Variants in GLIS3 observed in about 807,000 individuals in gnomAD.
The protein encoded by GLIS3 is GLIS family zinc finger 3.
GLIS3 carries 53 observed loss-of-function variants against 78.6 expected under a neutral mutation model. The observed-to-expected ratio is 0.67, with a 90% confidence interval of 0.54 to 0.85. The LOEUF (loss-of-function observed/expected upper bound fraction) is 0.85. Among genes scored for constraint, GLIS3 ranks in the 40% least tolerant of loss-of-function variants. The probability of loss-of-function intolerance (pLI) is 0.00; values close to 1 mark genes in which losing one functional copy is unlikely to be tolerated. For missense variants in GLIS3, 1,703 were observed against 1,231.1 expected, an observed-to-expected ratio of 1.38 and a Z score of -5.74; for synonymous variants, 684 against 509.9, an observed-to-expected ratio of 1.34 and a Z score of -4.60.
chr9:4,150,453 C>G (rs951744804), intron 2 of GLIS3, among the ~76,000 whole-genome samples: 1 of 152,230 alleles, frequency 6.6e-6, no homozygotes. Flanking sequence ...CAAGTTCAGT[C>G]TGTGGCAAGC....
At position 4,291,653 on chromosome 9, in the gene GLIS3, C is replaced by G. The variant is rs139952160; in HGVS notation, c.-98-5130G>C. The stretch of plus-strand genomic sequence containing the variant: ...AAAAAAAGAATGACCACATCCGATT[C>G]AGGAATTTACTCCTCTTAGTCAATC... On this transcript the variant is annotated intron_variant, in intron 1 of 10. Transcript: ENST00000381971. 1.9e-3 allele frequency among the ~76,000 whole-genome samples: 291 copies of G among 152,128 alleles called. 1 individual carries two copies. The highest frequency in any genetic ancestry group is 6.6e-3 in the African/African-American group (274 of 41,536).
At chr9:4,329,065 C>T (rs939098741) in intron 2 of GLIS3, among the ~76,000 whole-genome samples, 1 of 152,178 alleles carries the variant, frequency 6.6e-6, no homozygotes, top group Non-Finnish European at 1.5e-5. Flanking sequence ...GCCAGGCTAT[C>T]GTTTTAACAC....
At chr9:3,920,267 T>C (rs1824795850) in intron 6 of GLIS3, among the ~76,000 whole-genome samples, 1 of 152,196 alleles carries the variant, frequency 6.6e-6, no homozygotes, top group Non-Finnish European at 1.5e-5. Context: ...CCTCCCAAAA[T>C]GCTGGGATTA....
At chr9:3,902,858 C>T (rs1346196290) in intron 6 of GLIS3, among the ~76,000 whole-genome samples, 1 of 152,194 alleles carries the variant, frequency 6.6e-6, no homozygotes, top group Non-Finnish European at 1.5e-5. Context: ...CTTACTATCT[C>T]ATCTTCCTTG....
At chr9:4,268,048 CGT>C (rs1826180515) in intron 2 of GLIS3, among the ~76,000 whole-genome samples, 1 of 151,630 alleles carries the variant, frequency 6.6e-6, no homozygotes, top group Non-Finnish European at 1.5e-5. Flanking sequence ...CACGTGCGTG[CGT>C]GCGCACACAC....
At chr9:4,364,307 T>C in the GLIS3 span, among the ~76,000 whole-genome samples, 2 of 152,244 alleles carry the variant, frequency 1.3e-5, no homozygotes, top group Non-Finnish European at 2.9e-5. Flanking sequence ...ATATTCTTAG[T>C]TTACATTAGA....
chr9:4,200,395 G>C (rs1384453979), intron 2 of GLIS3, among the ~76,000 whole-genome samples: 1 of 151,940 alleles, frequency 6.6e-6, no homozygotes, highest in Non-Finnish European at 1.5e-5. Context: ...AAATCAGATT[G>C]GTAGACTACT....
At chr9:3,871,205 T>C (rs1820948493) in intron 8 of GLIS3, among the ~76,000 whole-genome samples, 1 of 152,212 alleles carries the variant, frequency 6.6e-6, no homozygotes, top group Non-Finnish European at 1.5e-5. Flanking sequence ...GCTCCACTCC[T>C]GTGGCTTTGC....
intron 2 of GLIS3, among the ~76,000 whole-genome samples, chr9:4,197,890 A>G (rs1006818805): frequency 2.6e-5 from 4 of 152,158 alleles, no homozygotes; most frequent in Non-Finnish European, 5.9e-5. Flanking sequence ...CATACCCAGC[A>G]TTCTCTACAA....
chr9:3,910,932 T>C (rs1164566561), intron 6 of GLIS3, among the ~76,000 whole-genome samples: 1 of 152,194 alleles, frequency 6.6e-6, no homozygotes, highest in Non-Finnish European at 1.5e-5. Flanking sequence ...ATACAGAAGC[T>C]CAATGGCCTA....
intron 4 of GLIS3, among the ~76,000 whole-genome samples, chr9:4,000,288 C>T (rs1821042143): frequency 6.6e-6 from 1 of 151,976 alleles, no homozygotes; most frequent in African/African-American, 2.4e-5. Flanking sequence ...CAAAACCAAA[C>T]AATGTATTTT....
chr9:4,442,080 C>T, the GLIS3 span, among the ~76,000 whole-genome samples: 2 of 152,132 alleles, frequency 1.3e-5, no homozygotes, highest in African/African-American at 4.8e-5. Flanking sequence ...TATCAAGTTC[C>T]AGGCTTTTCT....
intron 8 of GLIS3, among the ~76,000 whole-genome samples, chr9:3,856,901 T>G (rs1819831227): frequency 2.0e-5 from 3 of 152,278 alleles, no homozygotes; most frequent in South Asian, 2.1e-4. Context: ...GATGTTTAAA[T>G]AAGGAGATGT....
rs1826615344 is a variant in GLIS3 at position 4,272,560 on chromosome 9, T to C, written c.388+13478A>G. Reference sequence around the variant, plus strand: ...TCAATGGGAATACCTCATAGGGTTATAGGGGATTAAATTAAGATATATAAA... The same window carrying C: ...TCAATGGGAATACCTCATAGGGTTACAGGGGATTAAATTAAGATATATAAA... On this transcript the variant is annotated intron_variant, in intron 2 of 10. Transcript: ENST00000381971. Among the ~76,000 whole-genome samples the C allele has an allele frequency of 2.0e-5, 3 of 152,198 alleles. No individual in the cohort carries two copies. The South Asian group carries it at 6.2e-4, about 32-fold the overall frequency.
chr9:4,053,502 TTTC>T (rs1825888659), intron 4 of GLIS3, among the ~76,000 whole-genome samples: 1 of 152,058 alleles, frequency 6.6e-6, no homozygotes, highest in African/African-American at 2.4e-5. Flanking sequence ...CTTCTCTTCC[TTTC>T]TAGACTTAAA....
chr9:4,398,168 C>G, the GLIS3 span, among the ~76,000 whole-genome samples: 80 of 152,126 alleles, frequency 5.3e-4, no homozygotes, highest in African/African-American at 1.7e-3. Context: ...TTTTTCCAAA[C>G]CCACAGAATA....
chr9:4,326,261 C>T (rs1275540549), intron 2 of GLIS3, among the ~76,000 whole-genome samples: 1 of 152,154 alleles, frequency 6.6e-6, no homozygotes, highest in Non-Finnish European at 1.5e-5. Flanking sequence ...CACCAATGTT[C>T]ACAGCAGCAT....
chr9:4,116,658 C>A (rs1230910481), intron 4 of GLIS3, among the ~76,000 whole-genome samples: 1 of 152,172 alleles, frequency 6.6e-6, no homozygotes, highest in African/African-American at 2.4e-5. Flanking sequence ...AGTCCAGATT[C>A]TTTTTCATCA....
chr9:3,997,988 A>C (rs1820862834), intron 4 of GLIS3, among the ~76,000 whole-genome samples: 1 of 152,200 alleles, frequency 6.6e-6, no homozygotes, highest in African/African-American at 2.4e-5. Flanking sequence ...AAGAGTTTGA[A>C]GAAGCTTCAT....
Sources: allele counts gnomAD v4.1 joint callset (sites outside exome capture counted in the v4.1 genomes callset), GRCh38; gene constraint gnomAD v4.1.1; transcripts MANE v1.5; gene names NCBI Gene and HGNC (gene_info 2026-07-23, HGNC 2026-07-21).